OTOGL: variants seen among roughly 807,000 people sequenced by gnomAD.
The protein encoded by OTOGL is otogelin-like protein.
A neutral mutation model predicts 318.5 loss-of-function variants in OTOGL; 285 were observed. The observed-to-expected ratio is 0.89, with a 90% confidence interval of 0.81 to 0.99. The LOEUF is 0.99. Ranked by LOEUF, OTOGL falls within the 50% of genes least tolerant of loss-of-function variation. OTOGL has a pLI of 0.00. For missense variants in OTOGL, 2,899 were observed against 2,845.6 expected (o/e 1.02, Z -0.43); for synonymous variants, 987 against 936.5 (o/e 1.05, Z -0.99).
chr12:80,339,301 T>TTTTG, intron 43 of OTOGL, 37 bp downstream of exon 43: 1 of 768,182 alleles, frequency 1.3e-6, no homozygotes, highest in Non-Finnish European at 1.8e-6. Flanking sequence ...TTCGTCTGTT[T>TTTTG]TTTTTTTTTT....
chr12:80,296,779 A>G (rs771632212), intron 26 of OTOGL, 48 bp from the exon 27 acceptor site: 1 of 1,247,006 alleles, frequency 8.0e-7, no homozygotes, highest in South Asian at 2.2e-5. Flanking sequence ...ACTAAAAATA[A>G]TATAGGTTGT....
chr12:80,274,213 C>T (rs552233265), intron 24 of OTOGL, among the ~76,000 whole-genome samples: 1 of 152,160 alleles, frequency 6.6e-6, no homozygotes. Flanking sequence ...CAAGCTAGTC[C>T]TTTTGCAACA....
At chr12:80,338,305 T>A (rs530235271) in intron 42 of OTOGL, among the ~76,000 whole-genome samples, 1 of 151,984 alleles carries the variant, frequency 6.6e-6, no homozygotes, top group Non-Finnish European at 1.5e-5. Context: ...ACACTTAAGA[T>A]GAATCTTAAA....
chr12:80,205,487 A>G (rs897615624), intron 1 of OTOGL, among the ~76,000 whole-genome samples: 4 of 152,238 alleles, frequency 2.6e-5, no homozygotes, highest in African/African-American at 9.6e-5. Context: ...AAAAGGTAAG[A>G]TAGATGCTAC....
chr12:80,295,181 T>G (rs1885304391), intron 26 of OTOGL, among the ~76,000 whole-genome samples: 1 of 60,932 alleles, frequency 1.6e-5, no homozygotes, highest in Admixed American at 1.9e-4. Flanking sequence ...TTTTTTTTTT[T>G]TTTTTAAGAC....
intron 26 of OTOGL, among the ~76,000 whole-genome samples, chr12:80,287,166 T>C (rs1469245510): frequency 6.6e-6 from 1 of 151,828 alleles, no homozygotes; most frequent in East Asian, 1.9e-4. Context: ...CTAGTAGTCA[T>C]TCAGGAGCAC....
chr12:80,378,358 T>G lies in OTOGL; in HGVS notation c.*310T>G. ...TCAACTGGAAGGTTATTTTGCAAAATTCCTTCAATTTCACTCAGTAGCTCT... is the reference window on the plus strand; with the variant it reads ...TCAACTGGAAGGTTATTTTGCAAAAGTCCTTCAATTTCACTCAGTAGCTCT... On this transcript the variant is annotated 3_prime_UTR_variant, in exon 59 of 59. Coordinates refer to ENST00000547103, the MANE Select transcript of OTOGL (RefSeq NM_001378609.3). 9.6e-6 allele frequency: 2 copies of G among 207,798 alleles called. No homozygotes were observed. Among genetic ancestry groups the G allele is most frequent in the Non-Finnish European group, 2.0e-5 (2 of 102,362 alleles). The allele number at this position is 207,798 out of a possible 1,614,324, so 12.9% of individuals were successfully genotyped here. A position where few individuals can be genotyped will look rare whatever the true frequency, so the allele number is the denominator to read the frequency against.
At position 80,201,197 on chromosome 12, in the gene OTOGL, G is replaced by A. The variant is rs533389140; in HGVS notation, c.-19-8216G>A. Reference sequence around the variant, plus strand: ...AGAAACCTCTTTGAGGTTGTTTCTGGTTGGAGTCTGTGTTGGTCTGTTTTG... The same window carrying A: ...AGAAACCTCTTTGAGGTTGTTTCTGATTGGAGTCTGTGTTGGTCTGTTTTG... On this transcript the variant is annotated intron_variant, in intron 1 of 58. Coordinates refer to ENST00000547103, the MANE Select transcript of OTOGL (RefSeq NM_001378609.3). Among the ~76,000 whole-genome samples the A allele has an allele frequency of 7.2e-4, 110 of 152,272 alleles. 2 individuals are homozygous for A. Among genetic ancestry groups the A allele is most frequent in the African/African-American group, 2.1e-3 (88 of 41,562 alleles).
At chr12:80,249,436 A>T (rs1333649226) in intron 11 of OTOGL, among the ~76,000 whole-genome samples, 3 of 151,346 alleles carry the variant, frequency 2.0e-5, no homozygotes, top group Admixed American at 6.6e-5. Flanking sequence ...GTGAGGTGTC[A>T]GTGTGCCCCT....
chr12:80,351,814 GTAAT>G (rs376964827), intron 44 of OTOGL, among the ~76,000 whole-genome samples: 76 of 152,210 alleles, frequency 5.0e-4, no homozygotes, highest in African/African-American at 1.6e-3. Context: ...AAAAAAATGA[GTAAT>G]TAAATTGAGG....
At chr12:80,156,907 GCA>G (rs150260014) in intron 1 of OTOGL, among the ~76,000 whole-genome samples, 1,869 of 152,266 alleles carry the variant, frequency 0.012, 24 homozygotes, top group Non-Finnish European at 0.02. Flanking sequence ...TTATGGGAGT[GCA>G]GGTATCTCTT....
chr12:80,313,383 C>T, intron 30 of OTOGL, 93 bp from the exon 31 acceptor site: 1 of 1,265,474 alleles, frequency 7.9e-7, no homozygotes, highest in Non-Finnish European at 1.1e-6. Flanking sequence ...CTGATAATAT[C>T]AAACTTTGAA....
At chr12:80,105,819 A>G (rs1869420733) in intron 1 of OTOGL, among the ~76,000 whole-genome samples, 2 of 152,210 alleles carry the variant, frequency 1.3e-5, no homozygotes, top group Admixed American at 6.5e-5. Flanking sequence ...AGATTGTTTT[A>G]TGGAAAAGTT....
chr12:80,132,642 A>G (rs1871310746), intron 1 of OTOGL: 1 of 152,194 alleles, frequency 6.6e-6, no homozygotes. Context: ...TTATGATTAT[A>G]TATTTTGCAA....
At chr12:80,265,894 G>T (rs1882920169) in intron 20 of OTOGL, 1 of 152,562 alleles carries the variant, frequency 6.6e-6, no homozygotes, top group East Asian at 1.9e-4. Context: ...TAAAAGTAAT[G>T]TAAATTCATA....
intron 26 of OTOGL, among the ~76,000 whole-genome samples, chr12:80,281,304 C>G (rs1265444096): frequency 6.6e-6 from 1 of 151,724 alleles, no homozygotes; most frequent in Non-Finnish European, 1.5e-5. Flanking sequence ...CAGCTTTTGC[C>G]CATTTGGAAT....
At chr12:80,301,733 C>A (rs927640300) in intron 27 of OTOGL, among the ~76,000 whole-genome samples, 2 of 152,150 alleles carry the variant, frequency 1.3e-5, no homozygotes, top group African/African-American at 2.4e-5. Flanking sequence ...TTCCTGCCCC[C>A]CTACACACAT....
intron 1 of OTOGL, among the ~76,000 whole-genome samples, chr12:80,111,102 G>A (rs1228822623): frequency 2.0e-5 from 3 of 152,094 alleles, no homozygotes; most frequent in Non-Finnish European, 4.4e-5. Flanking sequence ...ATTTGATGGG[G>A]TTATTTTTCT....
intron 19 of OTOGL, among the ~76,000 whole-genome samples, chr12:80,262,965 G>A (rs898877923): frequency 3.3e-5 from 5 of 152,082 alleles, no homozygotes; most frequent in Admixed American, 6.6e-5. Flanking sequence ...CACAGTTTAC[G>A]GATCATGCGG....
Sources: gnomAD v4.1 joint callset for allele counts (sites outside exome capture counted in the v4.1 genomes callset) on GRCh38, gnomAD v4.1.1 for gene constraint, MANE v1.5 for transcripts, NCBI Gene and HGNC (gene_info 2026-07-23, HGNC 2026-07-21) for gene names.